CACNA2D3: variants seen among roughly 807,000 people sequenced by gnomAD.
The protein encoded by CACNA2D3 is voltage-dependent calcium channel subunit alpha-2/delta-3.
In CACNA2D3, 60 loss-of-function variants were observed where a neutral mutation model predicts 160.6. That is an observed-to-expected ratio of 0.37 (90% CI 0.30 to 0.46). The LOEUF (loss-of-function observed/expected upper bound fraction) is 0.46, where lower values mean the gene tolerates loss of function less well. CACNA2D3 is among the 20% of genes least tolerant of loss of function. CACNA2D3 has a pLI of 1.00. For synonymous variants in CACNA2D3, 558 were observed against 492.9 expected, an observed-to-expected ratio of 1.13 and a Z score of -1.75; for missense variants, 1,205 against 1,365.0, an observed-to-expected ratio of 0.88 and a Z score of 1.85.
chr3:54,569,462 C>A (rs1006555941), intron 6 of CACNA2D3, among the ~76,000 whole-genome samples: 1 of 152,166 alleles, frequency 6.6e-6, no homozygotes, highest in Non-Finnish European at 1.5e-5. Flanking sequence ...CAACAACTTG[C>A]TGGACAGTAA....
At chr3:54,133,753 C>T (rs1576948172) in intron 2 of CACNA2D3, among the ~76,000 whole-genome samples, 1 of 152,152 alleles carries the variant, frequency 6.6e-6, no homozygotes, top group African/African-American at 2.4e-5. Flanking sequence ...TCCTAAGATG[C>T]GTTTCTGAGA....
intron 4 of CACNA2D3, among the ~76,000 whole-genome samples, chr3:54,467,506 A>G (rs1700649803): frequency 6.6e-6 from 1 of 152,202 alleles, no homozygotes; most frequent in Non-Finnish European, 1.5e-5. Context: ...ACTTAGGGCA[A>G]GTTGCCTCGC....
chr3:54,533,001 G>T (rs1325596877), intron 5 of CACNA2D3, among the ~76,000 whole-genome samples: 2 of 152,096 alleles, frequency 1.3e-5, no homozygotes, highest in Non-Finnish European at 2.9e-5. Context: ...TCTTACTAGT[G>T]TAAGACGGTA....
intron 9 of CACNA2D3, among the ~76,000 whole-genome samples, chr3:54,608,614 G>A (rs1575378850): frequency 1.3e-5 from 2 of 152,316 alleles, no homozygotes; most frequent in Admixed American, 6.5e-5. Context: ...ACAAAGACTG[G>A]TGTAGACCAT....
intron 2 of CACNA2D3, among the ~76,000 whole-genome samples, chr3:54,259,861 C>T (rs536971057): frequency 6.6e-6 from 1 of 152,346 alleles, no homozygotes; most frequent in African/African-American, 2.4e-5. Context: ...CAAAGCCCTG[C>T]ATTCTAGCTG....
intron 17 of CACNA2D3, among the ~76,000 whole-genome samples, chr3:54,866,303 C>T (rs1041432928): frequency 1.1e-4 from 16 of 152,274 alleles, no homozygotes; most frequent in East Asian, 1.9e-4. Flanking sequence ...AGGAGTAAGG[C>T]GTACCTACAT....
At chr3:54,831,594 C>A (rs1703878837) in intron 14 of CACNA2D3, among the ~76,000 whole-genome samples, 1 of 152,240 alleles carries the variant, frequency 6.6e-6, no homozygotes, top group Non-Finnish European at 1.5e-5. Context: ...TTTATACCAT[C>A]ATAAAGAGTA....
At chr3:55,062,355 C>T (rs573089537) in intron 35 of CACNA2D3, among the ~76,000 whole-genome samples, 1 of 151,830 alleles carries the variant, frequency 6.6e-6, no homozygotes, top group East Asian at 1.9e-4. Flanking sequence ...GTTAAGCGAC[C>T]CTCCTTCCTT....
intron 21 of CACNA2D3, among the ~76,000 whole-genome samples, chr3:54,882,717 A>G (rs1220246299): frequency 6.6e-6 from 1 of 152,174 alleles, no homozygotes; most frequent in Non-Finnish European, 1.5e-5. Flanking sequence ...GCCAAATAGT[A>G]GAGGATCTTG....
intron 5 of CACNA2D3, among the ~76,000 whole-genome samples, chr3:54,504,106 C>T (rs147422925): frequency 6.6e-6 from 1 of 152,304 alleles, no homozygotes; most frequent in Admixed American, 6.5e-5. Flanking sequence ...TTGTTTTCTT[C>T]TTCCAGTTTG....
At chr3:54,797,565 C>A (rs902926684) in intron 13 of CACNA2D3, among the ~76,000 whole-genome samples, 2 of 152,076 alleles carry the variant, frequency 1.3e-5, no homozygotes, top group African/African-American at 4.8e-5. Flanking sequence ...TTTTGGTCTC[C>A]CCACCACCCC....
At chr3:54,338,269 A>G (rs1377223365) in intron 3 of CACNA2D3, among the ~76,000 whole-genome samples, 1 of 152,318 alleles carries the variant, frequency 6.6e-6, no homozygotes, top group Non-Finnish European at 1.5e-5. Context: ...ATAAAACACC[A>G]TAACTTGTTT....
intron 2 of CACNA2D3, among the ~76,000 whole-genome samples, chr3:54,199,658 C>T (rs1332992952): frequency 6.6e-6 from 1 of 152,044 alleles, no homozygotes; most frequent in African/African-American, 2.4e-5. Flanking sequence ...AGCCTTTGCT[C>T]TTCAGAGGCC....
At chr3:54,570,159 A>G in intron 8 of CACNA2D3, 55 bp downstream of exon 8, 1 of 1,573,254 alleles carries the variant, frequency 6.4e-7, no homozygotes, top group Non-Finnish European at 8.7e-7. Context: ...ATCTTTTGGT[A>G]GTGACTGGTT....
intron 11 of CACNA2D3, among the ~76,000 whole-genome samples, chr3:54,696,082 G>A (rs1335206399): frequency 6.6e-6 from 1 of 152,176 alleles, no homozygotes; most frequent in East Asian, 1.9e-4. Context: ...CATGGCCAGG[G>A]TCGGGGAGTG....
At chr3:54,620,175 G>C (rs1252252442) in intron 9 of CACNA2D3, among the ~76,000 whole-genome samples, 2 of 152,146 alleles carry the variant, frequency 1.3e-5, no homozygotes, top group African/African-American at 2.4e-5. Flanking sequence ...TGGCTGTTGG[G>C]ACCCTGCTCG....
intron 3 of CACNA2D3, among the ~76,000 whole-genome samples, chr3:54,342,874 G>A (rs938755556): frequency 1.4e-4 from 21 of 152,170 alleles, no homozygotes; most frequent in African/African-American, 4.8e-4. Flanking sequence ...GCGGGGCTTG[G>A]CAGGCAGCCT....
chr3:54,182,480 T>C (rs931551809), intron 2 of CACNA2D3, among the ~76,000 whole-genome samples: 2 of 152,210 alleles, frequency 1.3e-5, no homozygotes, highest in African/African-American at 4.8e-5. Context: ...TTCCTTCCTA[T>C]TGGGCAGATG....
intron 2 of CACNA2D3, among the ~76,000 whole-genome samples, chr3:54,258,461 T>G (rs1277717248): frequency 6.6e-6 from 1 of 152,144 alleles, no homozygotes. Context: ...GTGTTAGGGA[T>G]GGTGGATGGC....
Sources: gnomAD v4.1 joint callset for allele counts (sites outside exome capture counted in the v4.1 genomes callset) on GRCh38, gnomAD v4.1.1 for gene constraint, MANE v1.5 for transcripts, NCBI Gene and HGNC (gene_info 2026-07-23, HGNC 2026-07-21) for gene names.